Variants in C2orf92 observed in about 807,000 individuals in gnomAD.
C2orf92 encodes uncharacterized protein C2orf92.
intron 3 of C2orf92, among the ~76,000 whole-genome samples, chr2:97,679,521 T>TA (rs1416122753): frequency 2.0e-5 from 3 of 151,856 alleles, no homozygotes; most frequent in Non-Finnish European, 4.4e-5. Flanking sequence ...AAATAATAAC[T>TA]AAAAAAATAT....
At chr2:97,690,157 C>G (rs74486193) in intron 4 of C2orf92, 99 bp from the exon 5 acceptor site, 4,296 of 372,418 alleles carry the variant, frequency 0.012, 47 homozygotes, top group Non-Finnish European at 0.014. Flanking sequence ...ACAAAAAAAC[C>G]AAAAAATGGA....
chr2:97,679,613 G>A (rs757960158), intron 3 of C2orf92, among the ~76,000 whole-genome samples: 6 of 151,884 alleles, frequency 4.0e-5, no homozygotes, highest in South Asian at 2.1e-4. Flanking sequence ...AGGCTGAGGT[G>A]GGGGGATCAC....
At chr2:97,681,222 A>G (rs1444410529) in intron 3 of C2orf92, among the ~76,000 whole-genome samples, 1 of 151,832 alleles carries the variant, frequency 6.6e-6, no homozygotes, top group Non-Finnish European at 1.5e-5. Context: ...AGAACAATCC[A>G]CCCAGCAACA....
At chr2:97,665,741 A>C (rs983689200), upstream of C2orf92, 1,175 of 24,550 alleles carry the variant, frequency 0.048, 6 homozygotes, top group Non-Finnish European at 0.061. Flanking sequence ...CTCTCTCTAT[A>C]TATATATATA....
chr2:97,675,867 G>C lies in C2orf92; in HGVS notation c.171G>C (p.Leu57Phe). The C allele has an allele frequency of 2.5e-6, 1 of 399,088 alleles. No homozygotes were observed. Among genetic ancestry groups the C allele is most frequent in the Non-Finnish European group, 4.4e-6 (1 of 226,068 alleles). 24.7% of individuals were successfully genotyped at this position (399,088 alleles called of 1,614,324 possible). A position where few individuals can be genotyped will look rare whatever the true frequency, so the allele number is the denominator to read the frequency against. The change falls in exon 3 of 8, where the codon TTG (leucine) becomes TTC (phenylalanine). Residue 57 changes from leucine (L) to phenylalanine (F), a missense_variant. Transcript: ENST00000627399. ...TAGGCTATTCCCAACAGAAGAGCTTGAACAATGCTGCATTTGCATCAGGTT... is the reference window on the plus strand; with the variant it reads ...TAGGCTATTCCCAACAGAAGAGCTTCAACAATGCTGCATTTGCATCAGGTT... ...TQKSYSQQKS[L>F]NNAAFASGSN...
At chr2:97,666,891 C>G (rs1204097644), upstream of C2orf92, 2 of 151,958 alleles carry the variant, frequency 1.3e-5, no homozygotes, top group Non-Finnish European at 2.9e-5. Context: ...TGGTGTCACC[C>G]TGTCTCTCCT....
intron 1 of C2orf92, chr2:97,670,532 A>G (rs1427459497): frequency 6.6e-6 from 1 of 152,000 alleles, no homozygotes. Context: ...GATATAATAT[A>G]TAATAAAATT....
chr2:97,700,310 TAC>T (rs1000071420), intron 6 of C2orf92, among the ~76,000 whole-genome samples: 8 of 152,022 alleles, frequency 5.3e-5, no homozygotes, highest in African/African-American at 1.9e-4. Context: ...CTCCCAAACC[TAC>T]ACACACGAGG....
In C2orf92 at chr2:97,684,824, A is replaced by G. The variant is rs537828844; in HGVS notation, c.233-4071A>G. ...CTTGAATAGCTATTTTCCAAAGAAGATATACAAATGGCCAATAAACACATA... is the reference window on the plus strand; with the variant it reads ...CTTGAATAGCTATTTTCCAAAGAAGGTATACAAATGGCCAATAAACACATA... On this transcript the variant is annotated intron_variant, in intron 3 of 7. Transcript: ENST00000627399. Among the ~76,000 whole-genome samples, 11 of 152,342 alleles carry G rather than the reference A, an allele frequency of 7.2e-5. No homozygotes were observed. The South Asian group carries it at 2.3e-3, about 32-fold the overall frequency.
chr2:97,678,871 A>G (rs1286093295), intron 3 of C2orf92, among the ~76,000 whole-genome samples: 3 of 151,630 alleles, frequency 2.0e-5, no homozygotes, highest in Admixed American at 6.6e-5. Context: ...CCAGCTATTC[A>G]GCACACTGAG....
intron 5 of C2orf92, among the ~76,000 whole-genome samples, chr2:97,698,399 A>AT (rs1221822669): frequency 1.3e-5 from 2 of 151,940 alleles, no homozygotes; most frequent in Non-Finnish European, 2.9e-5. Context: ...AATATTTCTC[A>AT]TTTTCGACTG....
In C2orf92 at chr2:97,701,199, T is replaced by G. The variant is rs1676484067; in HGVS notation, c.560T>G (p.Leu187Arg). 1 of 398,978 alleles carries G rather than the reference T, an allele frequency of 2.5e-6. No individual in the cohort carries two copies. 24.7% of individuals were successfully genotyped at this position (398,978 alleles called of 1,614,324 possible). A position where few individuals can be genotyped will look rare whatever the true frequency, so the allele number is the denominator to read the frequency against. ...TMPCGQLLHF[L>R]QRNTIIAAVS... Reference sequence around the variant, plus strand: ...CCCTGCGGGCAGCTTCTGCACTTCCTGCAGAGGAACACCATCATCGCCGCC... The same window carrying G: ...CCCTGCGGGCAGCTTCTGCACTTCCGGCAGAGGAACACCATCATCGCCGCC... Residue 187 changes from leucine to arginine, a missense_variant, in exon 7 of 8, where the codon CTG becomes CGG. By Grantham distance (102) the Leu-to-Arg change is moderately radical. Coordinates refer to ENST00000627399, the MANE Select transcript of C2orf92 (RefSeq NM_001351368.2).
intron 5 of C2orf92, among the ~76,000 whole-genome samples, chr2:97,692,867 T>C (rs568059554): frequency 4.9e-4 from 75 of 152,360 alleles, no homozygotes; most frequent in African/African-American, 1.7e-3. Context: ...TTGAGTTTCC[T>C]GATTAAGAGT....
chr2:97,674,143 T>G, intron 1 of C2orf92: 1 of 218,880 alleles, frequency 4.6e-6, no homozygotes. Context: ...CTGATATCAT[T>G]GGGGGCCTCC....
chr2:97,687,350 C>G (rs1313914171), intron 3 of C2orf92, among the ~76,000 whole-genome samples: 1 of 152,150 alleles, frequency 6.6e-6, no homozygotes, highest in East Asian at 1.9e-4. Context: ...TTGGGTGACA[C>G]AGCGAGACTT....
chr2:97,688,870 C>T, intron 3 of C2orf92, 25 bp from the exon 4 acceptor site: 1 of 398,586 alleles, frequency 2.5e-6, no homozygotes, highest in Non-Finnish European at 4.4e-6. Context: ...GCTGTATTAA[C>T]ATGCCTTTGT....
At chr2:97,696,334 G>A (rs1335951448) in intron 5 of C2orf92, among the ~76,000 whole-genome samples, 11 of 152,114 alleles carry the variant, frequency 7.2e-5, no homozygotes, top group Non-Finnish European at 1.0e-4. Flanking sequence ...GGGCTGATCA[G>A]ATCCATCTTC....
chr2:97,687,524 T>C (rs1676004726), intron 3 of C2orf92, among the ~76,000 whole-genome samples: 2 of 152,026 alleles, frequency 1.3e-5, no homozygotes, highest in African/African-American at 4.8e-5. Context: ...TGAAGGAAGC[T>C]GTCCAAAGGC....
At chr2:97,669,682 C>G, upstream of C2orf92, 1 of 396,754 alleles carries the variant, frequency 2.5e-6, no homozygotes, top group East Asian at 3.6e-5. Flanking sequence ...CCGTGTATGA[C>G]TTCATAGACC....
Sources: gnomAD v4.1 joint callset for allele counts (sites outside exome capture counted in the v4.1 genomes callset) on GRCh38, gnomAD v4.1.1 for gene constraint, MANE v1.5 for transcripts, NCBI Gene and HGNC (gene_info 2026-07-23, HGNC 2026-07-21) for gene names.